Variants in MB21D2 observed in about 807,000 individuals in gnomAD.
The protein encoded by MB21D2 is Mab-21 domain containing 2, also known as nucleotidyltransferase MB21D2.
MB21D2 carries 9 observed loss-of-function variants against 33.3 expected under a neutral mutation model. The observed-to-expected ratio is 0.27, with a 90% CI of 0.16 to 0.47. MB21D2 has a LOEUF of 0.47. MB21D2 is among the 20% of genes least tolerant of loss of function. The probability of loss-of-function intolerance (pLI) is 0.99; values close to 1 mark genes in which losing one functional copy is unlikely to be tolerated. For missense variants in MB21D2, 540 were observed against 624.6 expected (o/e 0.86, Z 1.44); for synonymous variants, 241 against 236.3 (o/e 1.02, Z -0.18).
chr3:192,837,193 C>A (rs1371979255), intron 1 of MB21D2, among the ~76,000 whole-genome samples: 2 of 152,214 alleles, frequency 1.3e-5, no homozygotes, highest in African/African-American at 2.4e-5. Flanking sequence ...AGAAAGCCCA[C>A]ACGTTTCCTC....
intron 1 of MB21D2, among the ~76,000 whole-genome samples, chr3:192,877,593 A>G (rs1403857692): frequency 6.6e-6 from 1 of 152,168 alleles, no homozygotes; most frequent in Non-Finnish European, 1.5e-5. Flanking sequence ...TCCTCCCACA[A>G]GACCTCATCT....
intron 1 of MB21D2, among the ~76,000 whole-genome samples, chr3:192,838,495 C>T (rs956353399): frequency 4.1e-5 from 6 of 147,862 alleles, no homozygotes; most frequent in African/African-American, 1.3e-4. Context: ...GTGGCGCGAT[C>T]TCGGCTCACT....
intron 1 of MB21D2, among the ~76,000 whole-genome samples, chr3:192,867,284 C>T (rs1443469983): frequency 6.6e-6 from 1 of 151,170 alleles, no homozygotes; most frequent in Non-Finnish European, 1.5e-5. Flanking sequence ...TCAAAACAGG[C>T]TCTCTCTCTC....
At chr3:192,822,179 A>G (rs1216466066) in intron 1 of MB21D2, among the ~76,000 whole-genome samples, 1 of 151,816 alleles carries the variant, frequency 6.6e-6, no homozygotes, top group African/African-American at 2.4e-5. Flanking sequence ...GTCCAACAGA[A>G]AAAAGGCGGG....
chr3:192,799,926 C>G lies in MB21D2; in HGVS notation c.212-276G>C, dbSNP rs1711521913. 2.0e-5 allele frequency among the ~76,000 whole-genome samples: 3 copies of G among 152,160 alleles called. No homozygotes were observed. In the South Asian group the frequency reaches 6.2e-4, roughly 32 times the overall value. On this transcript the variant is annotated intron_variant, in intron 1 of 1. Transcript: ENST00000392452. This position sits in a 1 kb window ranked among gnomAD's most constrained non-coding sequence, Gnocchi z 4.1. ...AAAACAGGGCCCCTCTTCCCCCAGT[C>G]ATCATCTCAGTTAATGGAATTGCCA... is the stretch of plus-strand genomic sequence containing the variant.
chr3:192,869,317 G>GAA (rs1560244613), intron 1 of MB21D2, among the ~76,000 whole-genome samples: 9 of 98,268 alleles, frequency 9.2e-5, no homozygotes, highest in African/African-American at 2.5e-4. Flanking sequence ...AAGGAGGGAA[G>GAA]GAGGGAAAAA....
rs567672234 is a variant in MB21D2 at position 192,910,004 on chromosome 3, CAAAG to C, written c.211+7622_211+7625del. On this transcript the variant is annotated intron_variant, in intron 1 of 1. Coordinates refer to ENST00000392452, the MANE Select transcript of MB21D2 (RefSeq NM_178496.4). ...AGAGAAAAGAGCCTAAGAGCCTAAG[CAAAG>C]AAAGAAAGTGAGAAATTGGGGTGTA... 2.3e-3 allele frequency among the ~76,000 whole-genome samples: 309 copies of C among 134,926 alleles called. 3 individuals carry two copies. The highest frequency in any genetic ancestry group is 8.3e-3 in the African/African-American group (297 of 35,720). 88.5% of individuals were successfully genotyped at this position (134,926 alleles called of 152,430 possible). A position where few individuals can be genotyped will look rare whatever the true frequency, so the allele number is the denominator to read the frequency against.
chr3:192,820,644 C>T (rs954905455), intron 1 of MB21D2, among the ~76,000 whole-genome samples: 3 of 152,266 alleles, frequency 2.0e-5, no homozygotes, highest in Admixed American at 6.5e-5. Context: ...TCCGGCGTCC[C>T]GCCCCGGGCT....
Position 192,797,675 on chromosome 3 carries a change from C to G in MB21D2, c.*711G>C, listed in dbSNP as rs2108606487. ...CTTTAATAGGATTTAAATAAGGCTTCAAATAATTACATATGCTAAAATTAA... is the reference window on the plus strand; with the variant it reads ...CTTTAATAGGATTTAAATAAGGCTTGAAATAATTACATATGCTAAAATTAA... On this transcript the variant is annotated 3_prime_UTR_variant, in exon 2 of 2. Transcript: ENST00000392452. 6.5e-6 allele frequency: 1 copy of G among 152,674 alleles called. No individual in the cohort carries two copies. 9.5% of individuals were successfully genotyped at this position (152,674 alleles called of 1,614,324 possible). A position where few individuals can be genotyped will look rare whatever the true frequency, so the allele number is the denominator to read the frequency against.
At chr3:192,857,619 G>A (rs906914464) in intron 1 of MB21D2, among the ~76,000 whole-genome samples, 1 of 151,838 alleles carries the variant, frequency 6.6e-6, no homozygotes, top group Non-Finnish European at 1.5e-5. Context: ...AATCCCTGTG[G>A]AATTACAAAA....
At chr3:192,870,699 GAAAAAA>G (rs57320648) in intron 1 of MB21D2, among the ~76,000 whole-genome samples, 3 of 41,670 alleles carry the variant, frequency 7.2e-5, no homozygotes, top group African/African-American at 3.3e-4. Context: ...CGACTCCGTT[GAAAAAA>G]AAAAAAAAAA....
chr3:192,911,173 T>G (rs1714343971), intron 1 of MB21D2, among the ~76,000 whole-genome samples: 1 of 152,194 alleles, frequency 6.6e-6, no homozygotes, highest in Admixed American at 6.5e-5. Flanking sequence ...AAGTCCCACC[T>G]ATGCCACTCA....
At chr3:192,865,228 A>G (rs12696659) in intron 1 of MB21D2, among the ~76,000 whole-genome samples, 88,667 of 152,052 alleles carry the variant, frequency 0.58, 28,284 homozygotes, top group African/African-American at 0.84. Context: ...TGTGTCCCTG[A>G]GCTTTATTCT....
intron 1 of MB21D2, among the ~76,000 whole-genome samples, chr3:192,852,500 G>A (rs886847423): frequency 6.6e-5 from 10 of 152,130 alleles, no homozygotes; most frequent in Non-Finnish European, 1.5e-4. Flanking sequence ...TTTGTAGCAG[G>A]ACATTTTAAA....
At chr3:192,869,655 A>AC (rs1201222701) in intron 1 of MB21D2, among the ~76,000 whole-genome samples, 1 of 150,512 alleles carries the variant, frequency 6.6e-6, no homozygotes, top group Non-Finnish European at 1.5e-5. Flanking sequence ...GGTTCTGAAA[A>AC]CCCCCCTTTC....
At chr3:192,802,671 T>C (rs189846942) in intron 1 of MB21D2, among the ~76,000 whole-genome samples, 49 of 152,308 alleles carry the variant, frequency 3.2e-4, no homozygotes, top group Admixed American at 1.5e-3. Flanking sequence ...AAGGATAAAA[T>C]TGATTTCTCA....
intron 1 of MB21D2, among the ~76,000 whole-genome samples, chr3:192,812,316 G>A (rs970201707): frequency 4.0e-5 from 6 of 149,226 alleles, no homozygotes; most frequent in East Asian, 4.0e-4. Context: ...GATTACAGGC[G>A]TGAGCCACCA....
At chr3:192,803,739 G>A (rs967851656) in intron 1 of MB21D2, among the ~76,000 whole-genome samples, 2 of 152,168 alleles carry the variant, frequency 1.3e-5, no homozygotes, top group African/African-American at 2.4e-5. Context: ...TTTGGCTGTA[G>A]GGATCAGTTC....
chr3:192,802,275 C>T (rs997430379), intron 1 of MB21D2, among the ~76,000 whole-genome samples: 112 of 152,290 alleles, frequency 7.4e-4, no homozygotes, highest in African/African-American at 2.5e-3. Flanking sequence ...GCGAATGATG[C>T]GCCTGCAGGG....
Sources: allele counts gnomAD v4.1 joint callset (sites outside exome capture counted in the v4.1 genomes callset), GRCh38; gene constraint gnomAD v4.1.1; non-coding constraint Gnocchi (gnomAD v3.1); transcripts MANE v1.5; gene names NCBI Gene and HGNC (gene_info 2026-07-23, HGNC 2026-07-21).